Variants in COP1 observed in about 807,000 individuals in gnomAD.
COP1 encodes E3 ubiquitin-protein ligase COP1.
COP1 carries 24 observed loss-of-function variants against 101.3 expected under a neutral mutation model. That is an observed-to-expected ratio of 0.24 (90% confidence interval 0.17 to 0.33). COP1 has a LOEUF of 0.33. Ranked by LOEUF, COP1 falls within the 10% of genes least tolerant of loss-of-function variation. COP1 has a pLI of 1.00. For missense variants in COP1, 663 were observed against 906.2 expected (o/e 0.73, Z 3.45); for synonymous variants, 347 against 341.9 (o/e 1.01, Z -0.17).
At chr1:176,161,070 A>T (rs562863163) in intron 5 of COP1, among the ~76,000 whole-genome samples, 16 of 152,190 alleles carry the variant, frequency 1.1e-4, no homozygotes, top group Non-Finnish European at 2.4e-4. Context: ...CAATATAAAT[A>T]GGGTCAGTTC....
At chr1:176,070,784 AC>A (rs1161056102) in intron 11 of COP1, among the ~76,000 whole-genome samples, 1 of 152,096 alleles carries the variant, frequency 6.6e-6, no homozygotes, top group Non-Finnish European at 1.5e-5. Context: ...CCTCATTAGG[AC>A]TACAGGTGCA....
intron 9 of COP1, among the ~76,000 whole-genome samples, chr1:176,108,348 A>G (rs1684690800): frequency 6.6e-6 from 1 of 152,184 alleles, no homozygotes; most frequent in African/African-American, 2.4e-5. Context: ...TTCTGTAACT[A>G]TTCTATTATG....
intron 15 of COP1, among the ~76,000 whole-genome samples, chr1:175,997,504 C>G (rs1660473632): frequency 6.6e-6 from 1 of 152,058 alleles, no homozygotes; most frequent in Non-Finnish European, 1.5e-5. Context: ...ACTCATCTGA[C>G]AAAGGGCTAA....
At chr1:176,065,225 GT>G (rs1675701836) in intron 11 of COP1, among the ~76,000 whole-genome samples, 1 of 152,168 alleles carries the variant, frequency 6.6e-6, no homozygotes, top group Non-Finnish European at 1.5e-5. Context: ...GTGTTAGTAT[GT>G]TATGGAACTC....
Position 175,997,479 on chromosome 1 carries a change from A to G in COP1, c.1730-8000T>C, listed in dbSNP as rs569203606. Among the ~76,000 whole-genome samples, 603 of 152,272 alleles carry G rather than the reference A, an allele frequency of 4.0e-3. 2 individuals carry two copies. The highest frequency in any genetic ancestry group is 0.017 in the Middle Eastern group (5 of 294). On this transcript the variant is annotated intron_variant, in intron 15 of 19. Transcript: ENST00000367669. ...AATAGGCAACCTACAAAATGGGAGA[A>G]AATTTTCACAACCTACTCATCTGAC...
At chr1:176,175,259 A>G (rs1240879196) in intron 3 of COP1, among the ~76,000 whole-genome samples, 2 of 152,198 alleles carry the variant, frequency 1.3e-5, no homozygotes, top group African/African-American at 4.8e-5. Flanking sequence ...GTAGGGATGT[A>G]TAACACTTCA....
chr1:176,061,225 C>G (rs1219305848), intron 11 of COP1, among the ~76,000 whole-genome samples: 1 of 152,172 alleles, frequency 6.6e-6, no homozygotes, highest in Non-Finnish European at 1.5e-5. Context: ...GTTAAGTAGA[C>G]TCACATATAT....
chr1:176,141,860 A>G (rs1015565639), intron 6 of COP1, among the ~76,000 whole-genome samples: 5 of 151,804 alleles, frequency 3.3e-5, no homozygotes, highest in African/African-American at 1.2e-4. Flanking sequence ...CCTCCCAAGT[A>G]GCGGGGACTA....
At chr1:176,003,813 A>C (rs923752599) in intron 15 of COP1, among the ~76,000 whole-genome samples, 2 of 151,704 alleles carry the variant, frequency 1.3e-5, no homozygotes, top group Non-Finnish European at 3.0e-5. Context: ...CTTTTGGCTT[A>C]GGATTGACTT....
chr1:176,159,508 C>T lies in COP1; in HGVS notation c.762+3361G>A, dbSNP rs182782151. Among the ~76,000 whole-genome samples the T allele has an allele frequency of 2.2e-3, 332 of 152,056 alleles. 1 individual carries two copies. Among genetic ancestry groups the T allele is most frequent in the African/African-American group, 7.6e-3 (316 of 41,464 alleles). On this transcript the variant is annotated intron_variant, in intron 5 of 19. Transcript: ENST00000367669. ...GTGCACACATACCCTAATGCGAGCA[C>T]AAGGAGAAAGGTATACTAAATGTAG...
At chr1:176,079,482 G>T (rs1233982826) in intron 11 of COP1, among the ~76,000 whole-genome samples, 1 of 151,926 alleles carries the variant, frequency 6.6e-6, no homozygotes, top group Non-Finnish European at 1.5e-5. Context: ...CAACTAGATG[G>T]GGAGGTGGGA....
chr1:176,007,071 C>G (rs1292810727), intron 15 of COP1, among the ~76,000 whole-genome samples: 3 of 152,154 alleles, frequency 2.0e-5, no homozygotes, highest in Non-Finnish European at 4.4e-5. Flanking sequence ...TTTCTCTAAA[C>G]TTCCCATCTC....
intron 2 of COP1, among the ~76,000 whole-genome samples, chr1:176,176,652 C>T (rs1696980756): frequency 1.3e-5 from 2 of 152,010 alleles, no homozygotes; most frequent in African/African-American, 4.8e-5. Flanking sequence ...GACTCCATTA[C>T]TACAGAAAAT....
Position 175,951,082 on chromosome 1 carries a change from C to T in COP1, c.2134-3843G>A, listed in dbSNP as rs1230533140. Among the ~76,000 whole-genome samples, 3 of 151,814 alleles carry T rather than the reference C, an allele frequency of 2.0e-5. No homozygotes were observed. The East Asian group carries it at 5.8e-4, about 30-fold the overall frequency. The stretch of plus-strand genomic sequence containing the variant: ...CCAACATGGAGAAACCCCATCTCTA[C>T]TAAAAATACAAAAAAAATTAGCCAG... On this transcript the variant is annotated intron_variant, in intron 18 of 19. Coordinates refer to ENST00000367669, the MANE Select transcript of COP1 (RefSeq NM_022457.7).
At chr1:175,982,367 C>G (rs1370181218) in intron 18 of COP1, 2 of 456,556 alleles carry the variant, frequency 4.4e-6, no homozygotes, top group South Asian at 3.1e-5. Context: ...TGAGGAACCA[C>G]TTATATGCAA....
intron 6 of COP1, among the ~76,000 whole-genome samples, chr1:176,139,522 A>G (rs1690342846): frequency 1.3e-5 from 2 of 152,192 alleles, no homozygotes; most frequent in African/African-American, 4.8e-5. Context: ...TTGTATGTTC[A>G]TCATAGCTCT....
chr1:176,101,158 CCAT>C (rs911724869), intron 9 of COP1, among the ~76,000 whole-genome samples: 60 of 152,296 alleles, frequency 3.9e-4, no homozygotes, highest in African/African-American at 1.4e-3. Flanking sequence ...ATGCCCCCCA[CCAT>C]CAACATCAGT....
intron 2 of COP1, among the ~76,000 whole-genome samples, chr1:176,179,080 A>G (rs1001084061): frequency 1.3e-5 from 2 of 151,612 alleles, no homozygotes; most frequent in Non-Finnish European, 2.9e-5. Flanking sequence ...ACTTGAGGTC[A>G]TGAGTTTGAG....
intron 15 of COP1, among the ~76,000 whole-genome samples, chr1:176,014,865 G>A (rs1665347444): frequency 6.6e-6 from 1 of 152,112 alleles, no homozygotes; most frequent in South Asian, 2.1e-4. Flanking sequence ...ATGCGCAGTT[G>A]TAAGGGACAT....
Sources: allele counts gnomAD v4.1 joint callset (sites outside exome capture counted in the v4.1 genomes callset), GRCh38; gene constraint gnomAD v4.1.1; transcripts MANE v1.5; gene names NCBI Gene and HGNC (gene_info 2026-07-23, HGNC 2026-07-21).